Variants in PODXL observed in about 807,000 individuals in gnomAD.
PODXL encodes podocalyxin like, also known as podocalyxin.
In PODXL, 20 loss-of-function variants were observed where a neutral mutation model predicts 48.9. The observed-to-expected ratio is 0.41, with a 90% CI of 0.29 to 0.59. PODXL has a LOEUF of 0.59. Ranked by LOEUF, PODXL falls within the 20% of genes least tolerant of loss-of-function variation. The pLI, the probability that PODXL is intolerant of heterozygous loss-of-function variation, is 0.31. For missense variants in PODXL, 606 were observed against 675.1 expected, an observed-to-expected ratio of 0.90 and a Z score of 1.13; for synonymous variants, 295 against 287.4, an observed-to-expected ratio of 1.03 and a Z score of -0.27.
chr7:131,503,238 C>G lies in PODXL; in HGVS notation c.*1073G>C, dbSNP rs1243001273. 3 of 152,720 alleles carry G rather than the reference C, an allele frequency of 2.0e-5. No homozygotes were observed. Among genetic ancestry groups the G allele is most frequent in the African/African-American group, 7.2e-5 (3 of 41,472 alleles). The allele number at this position is 152,720 out of a possible 1,614,324, so 9.5% of individuals were successfully genotyped here. ...TAATGGATTGTCTCTGAAGACACATCGCTGATGGGGGGCCCCGGGAAGGCC... is the reference window on the plus strand; with the variant it reads ...TAATGGATTGTCTCTGAAGACACATGGCTGATGGGGGGCCCCGGGAAGGCC... On this transcript the variant is annotated 3_prime_UTR_variant, in exon 9 of 9. Transcript: ENST00000378555.
At chr7:131,540,036 TA>T (rs758541155) in intron 1 of PODXL, among the ~76,000 whole-genome samples, 4 of 152,140 alleles carry the variant, frequency 2.6e-5, no homozygotes, top group Non-Finnish European at 5.9e-5. Flanking sequence ...ACACCTTTAG[TA>T]CCTTTTAATT....
chr7:131,506,964 G>T (rs1004851593), intron 5 of PODXL: 9 of 564,040 alleles, frequency 1.6e-5, no homozygotes, highest in Non-Finnish European at 2.9e-5. Flanking sequence ...TCCGCACTGT[G>T]TTTATCTGGT....
chr7:131,509,485 C>T lies in PODXL; in HGVS notation c.903G>A (p.Pro301=), dbSNP rs371760384. The T allele has an allele frequency of 1.1e-5, 18 of 1,613,618 alleles. No individual in the cohort carries two copies. Among genetic ancestry groups the T allele is most frequent in the East Asian group, 2.2e-5 (1 of 44,874 alleles). The change falls in exon 4 of 9, where the codon CCG becomes CCA. Residue 301 remains proline, a synonymous_variant. Transcript: ENST00000378555. The part of the protein sequence containing the change: ...SSQETVQPTS[P]ATALRTPTLP... Reference sequence around the variant, plus strand: ...GGGTAGGTGTTCTCAATGCCGTTGCCGGGCTCGTGGGCTGCACTGTCTCCT... The same window carrying T: ...GGGTAGGTGTTCTCAATGCCGTTGCTGGGCTCGTGGGCTGCACTGTCTCCT...
Position 131,511,165 on chromosome 7 carries a change from G to A in PODXL, c.369C>T (p.Pro123=), listed in dbSNP as rs1323560937. Residue 123 remains proline (P), a synonymous_variant, in exon 2 of 9, where the codon CCC becomes CCT. Transcript: ENST00000378555. ...SGNPTTTIES[P]KSTKSADTTT... ...TGGTGTCTGCACTTTTTGTGCTCTT[G>A]GGGCTCTCGATGGTGGTAGTAGGGT... The A allele has an allele frequency of 3.7e-6, 6 of 1,613,852 alleles. No homozygotes were observed. Among genetic ancestry groups the A allele is most frequent in the Non-Finnish European group, 5.1e-6 (6 of 1,180,000 alleles).
chr7:131,542,706 C>G (rs1308273931), intron 1 of PODXL, among the ~76,000 whole-genome samples: 4 of 152,080 alleles, frequency 2.6e-5, no homozygotes, highest in South Asian at 4.1e-4. Context: ...AAGGGGGTAC[C>G]TGGAGCCTCA....
chr7:131,508,504 G>A (rs1042938304), intron 5 of PODXL, among the ~76,000 whole-genome samples: 92 of 152,014 alleles, frequency 6.1e-4, no homozygotes, highest in African/African-American at 2.2e-3. Context: ...CAAACTTCCT[G>A]CCTCAGCTTC....
chr7:131,506,244 T>A lies in PODXL; in HGVS notation c.1311+16A>T. 1 of 1,613,462 alleles carries A rather than the reference T, an allele frequency of 6.2e-7. No individual in the cohort carries two copies. Among genetic ancestry groups the A allele is most frequent in the Non-Finnish European group, 8.5e-7 (1 of 1,179,386 alleles). On this transcript the variant is annotated intron_variant, in intron 7 of 8. Transcript: ENST00000378555. ...CTTCGGAGCCACTCTGTCCCCACAC[T>A]TGGGGGGCCGCTTACCTCCTTTAGT...
At chr7:131,533,133 C>T (rs994552287) in intron 1 of PODXL, among the ~76,000 whole-genome samples, 8 of 152,198 alleles carry the variant, frequency 5.3e-5, no homozygotes, top group South Asian at 2.1e-4. Flanking sequence ...CCCCAACGTG[C>T]GCCCCTTACC....
At chr7:131,554,470 C>T (rs1036469013) in intron 1 of PODXL, among the ~76,000 whole-genome samples, 3 of 152,134 alleles carry the variant, frequency 2.0e-5, no homozygotes, top group Non-Finnish European at 4.4e-5. Flanking sequence ...TTTTGTTTGC[C>T]ACATACCAAA....
At chr7:131,536,319 C>T (rs912165940) in intron 1 of PODXL, among the ~76,000 whole-genome samples, 5 of 152,180 alleles carry the variant, frequency 3.3e-5, no homozygotes, top group African/African-American at 4.8e-5. Context: ...TATGGCATGA[C>T]GGGTCCTTGG....
chr7:131,524,760 T>C (rs1798153740), intron 1 of PODXL, among the ~76,000 whole-genome samples: 1 of 152,172 alleles, frequency 6.6e-6, no homozygotes, highest in Non-Finnish European at 1.5e-5. Flanking sequence ...TTTACCTACA[T>C]GAAATGAAAA....
chr7:131,540,995 A>G (rs1798470851), intron 1 of PODXL, among the ~76,000 whole-genome samples: 3 of 152,136 alleles, frequency 2.0e-5, no homozygotes, highest in South Asian at 2.1e-4. Flanking sequence ...CAGCTCTCCA[A>G]ATTTCTATCC....
At chr7:131,527,867 T>C (rs959738858) in intron 1 of PODXL, among the ~76,000 whole-genome samples, 3 of 151,388 alleles carry the variant, frequency 2.0e-5, no homozygotes, top group Non-Finnish European at 4.4e-5. Flanking sequence ...TCAGCACCAG[T>C]AGAGGATTTG....
At chr7:131,547,180 C>T (rs1410864278) in intron 1 of PODXL, among the ~76,000 whole-genome samples, 1 of 151,992 alleles carries the variant, frequency 6.6e-6, no homozygotes, top group African/African-American at 2.4e-5. Flanking sequence ...TCAAGACCAG[C>T]CTGACCAACA....
intron 8 of PODXL, 70 bp from the exon 9 acceptor site, chr7:131,504,578 G>T (rs936341674): frequency 5.4e-6 from 7 of 1,284,468 alleles, no homozygotes; most frequent in Non-Finnish European, 7.9e-6. Context: ...GCGCATGTAC[G>T]TACCCCTCCC....
At chr7:131,539,365 C>T (rs917987197) in intron 1 of PODXL, among the ~76,000 whole-genome samples, 1 of 152,184 alleles carries the variant, frequency 6.6e-6, no homozygotes, top group African/African-American at 2.4e-5. Flanking sequence ...GGGTCTTGCC[C>T]TGTCACCCAG....
At chr7:131,540,395 G>T (rs1373466734) in intron 1 of PODXL, among the ~76,000 whole-genome samples, 1 of 151,874 alleles carries the variant, frequency 6.6e-6, no homozygotes, top group African/African-American at 2.4e-5. Context: ...CCCAGGGAAG[G>T]CCCCACCCCA....
In PODXL at chr7:131,510,229, C is replaced by A. The variant is rs1485429224; in HGVS notation, c.802+7G>T. 1 of 445,412 alleles carries A rather than the reference C, an allele frequency of 2.2e-6. No individual in the cohort carries two copies. The highest frequency in any genetic ancestry group is 4.5e-6 in the Non-Finnish European group (1 of 223,236). The allele number at this position is 445,412 out of a possible 1,614,324, so 27.6% of individuals were successfully genotyped here. On this transcript the variant is annotated splice_region_variant and intron_variant, in intron 3 of 8. Coordinates refer to ENST00000378555, the MANE Select transcript of PODXL (RefSeq NM_001018111.3). ...AACAGGTATCGGCCGGGCATGGTGG[C>A]TCATACCTGTAATCCCAGCACTTTG...
chr7:131,511,749 C>A (rs1368316143), intron 1 of PODXL, among the ~76,000 whole-genome samples: 2 of 152,190 alleles, frequency 1.3e-5, no homozygotes, highest in Non-Finnish European at 2.9e-5. Context: ...AGCCACCACG[C>A]CTGGCATGAA....
Sources: allele counts gnomAD v4.1 joint callset (sites outside exome capture counted in the v4.1 genomes callset), GRCh38; gene constraint gnomAD v4.1.1; transcripts MANE v1.5; gene names NCBI Gene and HGNC (gene_info 2026-07-23, HGNC 2026-07-21).